The following DHRS4L2 variants were observed in gnomAD, a reference collection of about 807,000 sequenced individuals.
The protein encoded by DHRS4L2 is dehydrogenase/reductase 4 like 2.
DHRS4L2 carries 22 observed loss-of-function variants against 23.9 expected under a neutral mutation model. That is an observed-to-expected ratio of 0.92 (90% confidence interval 0.66 to 1.31). The LOEUF (loss-of-function observed/expected upper bound fraction) is 1.31. DHRS4L2 is among the 40% of genes most tolerant of loss of function. The pLI is 0.00. For synonymous variants in DHRS4L2, 141 were observed against 123.7 expected (o/e 1.14, Z -0.93); for missense variants, 385 against 303.3 (o/e 1.27, Z -2.00).
At chr14:23,995,857 G>A (rs1285223483) in intron 3 of DHRS4L2, among the ~76,000 whole-genome samples, 2 of 151,706 alleles carry the variant, frequency 1.3e-5, no homozygotes, top group Admixed American at 1.3e-4. Context: ...GATCTCCCAT[G>A]GTTCTGCGTT....
At chr14:23,976,128 G>C (rs903597843) in intron 1 of DHRS4L2, among the ~76,000 whole-genome samples, 1 of 151,592 alleles carries the variant, frequency 6.6e-6, no homozygotes, top group Non-Finnish European at 1.5e-5. Context: ...AAACTAAAGA[G>C]CTTCTGCACA....
At position 23,976,267 on chromosome 14, in the gene DHRS4L2, A is replaced by C. The variant is rs1163749408; in HGVS notation, c.-176+5935A>C. On this transcript the variant is annotated intron_variant, in intron 1 of 5. Coordinates refer to the DHRS4L2 transcript ENST00000534993. ...AACTTAAATAAATTTACAAGAAAAA[A>C]AATAACCCCATCAAAAAGTGGGTAA... Among the ~76,000 whole-genome samples, 8 of 151,868 alleles carry C rather than the reference A, an allele frequency of 5.3e-5. 1 individual carries two copies. Among genetic ancestry groups the C allele is most frequent in the Admixed American group, 2.6e-4 (4 of 15,258 alleles).
Position 23,982,649 on chromosome 14 carries a change from A to G in DHRS4L2, c.-175-7533A>G, listed in dbSNP as rs905995367. Among the ~76,000 whole-genome samples, 68 of 151,622 alleles carry G rather than the reference A, an allele frequency of 4.5e-4. 1 individual carries two copies. Among genetic ancestry groups the G allele is most frequent in the African/African-American group, 1.4e-3 (57 of 41,324 alleles). On this transcript the variant is annotated intron_variant, in intron 1 of 5. Coordinates refer to the DHRS4L2 transcript ENST00000534993. ...GAACAGAGGCTGCATAAATAACACC[A>G]CACACCTACAACCATCAGATTTTTG...
At chr14:23,996,453 G>C (rs1387978119) in intron 3 of DHRS4L2, among the ~76,000 whole-genome samples, 2 of 151,038 alleles carry the variant, frequency 1.3e-5, no homozygotes, top group Non-Finnish European at 3.0e-5. Flanking sequence ...GGGCAACACA[G>C]CGAGACCTTT....
Position 23,972,799 on chromosome 14 carries a change from G to A in DHRS4L2, c.-176+2467G>A, listed in dbSNP as rs148597915. ...CAGTAAAAAGGAATGTAGTAGGAGG[G>A]CAGGGTGATAATAAGGAGAAGGTCA... On this transcript the variant is annotated intron_variant, in intron 1 of 5. Transcript: ENST00000534993. Among the ~76,000 whole-genome samples the A allele has an allele frequency of 5.7e-3, 862 of 152,062 alleles. 6 individuals carry two copies. The highest frequency in any genetic ancestry group is 0.019 in the African/African-American group (802 of 41,492).
At chr14:24,004,662 C>G (rs2034539787) in intron 7 of DHRS4L2, 1 of 639,566 alleles carries the variant, frequency 1.6e-6, no homozygotes, top group African/African-American at 2.3e-5. Flanking sequence ...GGGGGATTGC[C>G]TCCACCTCTG....
chr14:23,984,494 C>A (rs2034105767), upstream of DHRS4L2, among the ~76,000 whole-genome samples: 1 of 151,456 alleles, frequency 6.6e-6, no homozygotes, highest in South Asian at 2.1e-4. Flanking sequence ...TCGACTTTCA[C>A]ATATAGAATT....
intron 3 of DHRS4L2, 43 bp downstream of exon 3, chr14:23,995,176 C>T (rs770199686): frequency 3.8e-6 from 6 of 1,597,644 alleles, no homozygotes; most frequent in Non-Finnish European, 5.1e-6. Flanking sequence ...CCTCGGGACA[C>T]ATTCAGCACA....
At chr14:23,993,252 G>C (rs1050388897) in intron 2 of DHRS4L2, among the ~76,000 whole-genome samples, 2 of 151,668 alleles carry the variant, frequency 1.3e-5, no homozygotes, top group South Asian at 4.2e-4. Flanking sequence ...ACTTGGCTTT[G>C]TGCCAGGATG....
At chr14:23,993,254 G>C (rs2034305148) in intron 2 of DHRS4L2, among the ~76,000 whole-genome samples, 1 of 151,656 alleles carries the variant, frequency 6.6e-6, no homozygotes, top group African/African-American at 2.4e-5. Flanking sequence ...TTGGCTTTGT[G>C]CCAGGATGCC....
upstream of DHRS4L2, among the ~76,000 whole-genome samples, chr14:23,985,168 T>A (rs546543995): frequency 2.0e-5 from 3 of 151,680 alleles, no homozygotes; most frequent in East Asian, 5.8e-4. Context: ...TTGCCCACAT[T>A]TTGCAATCAT....
chr14:23,985,690 C>T (rs1004774081), upstream of DHRS4L2, among the ~76,000 whole-genome samples: 1 of 151,546 alleles, frequency 6.6e-6, no homozygotes, highest in Non-Finnish European at 1.5e-5. Flanking sequence ...GTATGTATTT[C>T]CCTGAAAGGT....
Position 23,999,344 on chromosome 14 carries a change from TAAAAAAAAAAAAAA to T in DHRS4L2, c.409-1502_409-1489del, listed in dbSNP as rs71426825. On this transcript the variant is annotated intron_variant, in intron 3 of 7. Coordinates refer to ENST00000335125, the MANE Select transcript of DHRS4L2 (RefSeq NM_198083.4). ...AGGGTTGCCACGAAACTCCAATTTG[TAAAAAAAAAAAAAA>T]AAAAAAAAAAAAAAAACAATATCTG... Among the ~76,000 whole-genome samples, 8 of 53,678 alleles carry T rather than the reference TAAAAAAAAAAAAAA, an allele frequency of 1.5e-4. No homozygotes were observed. In the South Asian group the frequency reaches 2.8e-3, roughly 19 times the overall value. The allele number at this position is 53,678 out of a possible 152,430, so 35.2% of individuals were successfully genotyped here. A position where few individuals can be genotyped will look rare whatever the true frequency, so the allele number is the denominator to read the frequency against.
In DHRS4L2 at chr14:23,989,103, G is replaced by A. The variant is rs773590418; in HGVS notation, c.128+28G>A. The A allele has an allele frequency of 1.2e-5, 19 of 1,552,464 alleles. No homozygotes were observed. In the East Asian group the frequency reaches 2.7e-4, roughly 22 times the overall value. On this transcript the variant is annotated intron_variant, in intron 1 of 7. Coordinates refer to ENST00000335125, the MANE Select transcript of DHRS4L2 (RefSeq NM_198083.4). ...GAGTGTTGGTGCCGGAGTTTCTGAG[G>A]CCCTGGCTGCCTGGAAACATGCACT...
rs1390925531 is a variant in DHRS4L2 at position 24,003,881 on chromosome 14, G to C, written c.666-456G>C. Among the ~76,000 whole-genome samples the C allele has an allele frequency of 4.2e-5, 3 of 71,722 alleles. 1 individual carries two copies. Among genetic ancestry groups the C allele is most frequent in the African/African-American group, 4.2e-4 (2 of 4,776 alleles). The allele number at this position is 71,722 out of a possible 152,430, so 47.1% of individuals were successfully genotyped here. ...TTGCTTATCAGCTTAAGGAGATTTT[G>C]GGCTGAGACGATGGGGTTTTCTAGA... On this transcript the variant is annotated intron_variant, in intron 6 of 7. Coordinates refer to ENST00000335125, the MANE Select transcript of DHRS4L2 (RefSeq NM_198083.4).
At chr14:23,970,988 C>T (rs952640407) in intron 1 of DHRS4L2, among the ~76,000 whole-genome samples, 3 of 152,042 alleles carry the variant, frequency 2.0e-5, no homozygotes, top group Admixed American at 1.3e-4. Context: ...AAAACCCCAT[C>T]CATAGGTCAC....
chr14:23,987,001 G>A (rs890852322), upstream of DHRS4L2, among the ~76,000 whole-genome samples: 9 of 151,642 alleles, frequency 5.9e-5, no homozygotes, highest in Admixed American at 2.6e-4. Context: ...CTGTCTCATC[G>A]GGATGTGCTG....
chr14:23,969,911 C>A (rs1202061055), exon 1 of DHRS4L2: 2 of 438,150 alleles, frequency 4.6e-6, no homozygotes. Context: ...GGCGTGGGAG[C>A]CCGCGCTCCA....
rs754721407 is a variant in DHRS4L2, at chr14:24,001,436, C to A, written c.584C>A (p.Thr195Asn). Residue 195 changes from threonine (T) to asparagine (N), a missense_variant, in exon 6 of 8, where the codon ACC becomes AAC. Coordinates refer to ENST00000335125, the MANE Select transcript of DHRS4L2 (RefSeq NM_198083.4). ...SKTALLGLNNTLAIELAPRNI... is the reference protein window; with the variant it reads ...SKTALLGLNNNLAIELAPRNI... ...ACAGCCTTGCTGGGCCTCAACAATA[C>A]CCTGGCCATAGAGCTGGCCCCAAGG... 17 of 1,607,604 alleles carry A rather than the reference C, an allele frequency of 1.1e-5. No individual in the cohort carries two copies. Among genetic ancestry groups the A allele is most frequent in the Non-Finnish European group, 1.4e-5 (17 of 1,179,376 alleles).
Sources: gnomAD v4.1 joint callset for allele counts (sites outside exome capture counted in the v4.1 genomes callset) on GRCh38, gnomAD v4.1.1 for gene constraint, MANE v1.5 for transcripts, NCBI Gene and HGNC (gene_info 2026-07-23, HGNC 2026-07-21) for gene names.